Variants in CAPS2 observed in about 807,000 individuals in gnomAD.
CAPS2 encodes the protein calcyphosin-2.
Under a neutral mutation model 86.5 loss-of-function variants are expected in CAPS2, and 98 were observed. The observed-to-expected ratio is 1.13, with a 90% CI of 0.96 to 1.34. The LOEUF (loss-of-function observed/expected upper bound fraction) is 1.34, where lower values mean the gene tolerates loss of function less well. Among genes scored for constraint, CAPS2 ranks in the 40% most tolerant of loss-of-function variants. CAPS2 has a pLI of 0.00. For missense variants in CAPS2, 729 were observed against 686.8 expected (o/e 1.06, Z -0.69); for synonymous variants, 210 against 225.1 (o/e 0.93, Z 0.60).
rs183628594 is a variant in CAPS2 at position 75,377,284 on chromosome 12, T to C, written c.-395+13554A>G. ...AAACCACTCCTGGTACCAAAATCTG[T>C]ATTTGGCAGGGTTCCCTAAAGGGAC... On this transcript the variant is annotated intron_variant, in intron 1 of 5. Coordinates refer to the CAPS2 transcript ENST00000551829. 1.3e-3 allele frequency among the ~76,000 whole-genome samples: 200 copies of C among 152,298 alleles called. 1 individual carries two copies. The highest frequency in any genetic ancestry group is 2.3e-3 in the Non-Finnish European group (154 of 68,026).
rs549490874 is a variant in CAPS2, at chr12:75,369,769, A to G, written c.-395+21069T>C. 6.3e-5 allele frequency: 62 copies of G among 984,576 alleles called. No homozygotes were observed. The South Asian group carries it at 2.4e-3, about 38-fold the overall frequency. 61.0% of individuals were successfully genotyped at this position (984,576 alleles called of 1,614,324 possible). On this transcript the variant is annotated intron_variant, in intron 1 of 5. Transcript: ENST00000551829. ...TGTTTTAGAAATATTTGTTGACATA[A>G]CACTGTTGGTAGGAAGCATCGTAAA...
intron 8 of CAPS2, 139 bp from the exon 9 acceptor site, chr12:75,300,050 T>G (rs1403408433): frequency 6.9e-6 from 3 of 434,216 alleles, no homozygotes; most frequent in Non-Finnish European, 1.3e-5. Context: ...AAAACTCTTT[T>G]TTTCAGATTG....
At chr12:75,353,648 G>A (rs1450698119) in intron 1 of CAPS2, among the ~76,000 whole-genome samples, 1 of 152,140 alleles carries the variant, frequency 6.6e-6, no homozygotes, top group Non-Finnish European at 1.5e-5. Flanking sequence ...ATTTTATGAG[G>A]CCAGCATCAT....
chr12:75,296,583 C>T (rs1250955154), intron 11 of CAPS2, among the ~76,000 whole-genome samples: 1 of 152,202 alleles, frequency 6.6e-6, no homozygotes, highest in Non-Finnish European at 1.5e-5. Flanking sequence ...TGAGCCACCG[C>T]ACCCAGCGTG....
chr12:75,309,878 A>C (rs2038957473), intron 7 of CAPS2, among the ~76,000 whole-genome samples: 1 of 152,248 alleles, frequency 6.6e-6, no homozygotes, highest in African/African-American at 2.4e-5. Flanking sequence ...AAATATACAT[A>C]CACAGAATGT....
chr12:75,348,188 G>A (rs1175128303), intron 1 of CAPS2, among the ~76,000 whole-genome samples: 2 of 152,104 alleles, frequency 1.3e-5, no homozygotes, highest in East Asian at 1.9e-4. Flanking sequence ...AGCTTAAAGG[G>A]AAACTCCAAA....
chr12:75,285,939 C>T (rs1229604693), intron 14 of CAPS2, among the ~76,000 whole-genome samples: 2 of 151,708 alleles, frequency 1.3e-5, no homozygotes, highest in East Asian at 1.9e-4. Flanking sequence ...GGAATAAATC[C>T]CTTATGCCAG....
chr12:75,290,138 T>TTA (rs1440955891), intron 13 of CAPS2, among the ~76,000 whole-genome samples: 7 of 152,230 alleles, frequency 4.6e-5, no homozygotes, highest in African/African-American at 1.7e-4. Flanking sequence ...ATCTTTAATC[T>TTA]GTTTTCCTTT....
At chr12:75,350,893 A>G (rs2042765189) in intron 1 of CAPS2, among the ~76,000 whole-genome samples, 1 of 152,208 alleles carries the variant, frequency 6.6e-6, no homozygotes. Context: ...ATAATAATGA[A>G]CTTCACTGAG....
exon 17 of CAPS2, chr12:75,277,980 T>C: frequency 2.3e-6 from 2 of 886,904 alleles, no homozygotes; most frequent in South Asian, 1.0e-4. Context: ...TATCATACAT[T>C]CATTTTAGGA....
At chr12:75,372,556 G>A (rs544578872) in intron 1 of CAPS2, among the ~76,000 whole-genome samples, 1 of 152,272 alleles carries the variant, frequency 6.6e-6, no homozygotes, top group East Asian at 1.9e-4. Flanking sequence ...ATCACTAGGG[G>A]TGATGGTGAG....
At chr12:75,330,655 C>A (rs1340028773), upstream of CAPS2, among the ~76,000 whole-genome samples, 6 of 151,872 alleles carry the variant, frequency 4.0e-5, no homozygotes, top group Non-Finnish European at 4.4e-5. Flanking sequence ...TGACTATGTA[C>A]ATATAGATGA....
intron 1 of CAPS2, among the ~76,000 whole-genome samples, chr12:75,357,709 C>A (rs2043244099): frequency 6.6e-6 from 1 of 151,886 alleles, no homozygotes; most frequent in Non-Finnish European, 1.5e-5. Flanking sequence ...AAACCATTGT[C>A]CAATGTCCAA....
intron 1 of CAPS2, among the ~76,000 whole-genome samples, chr12:75,350,305 T>C (rs545054288): frequency 6.6e-6 from 1 of 152,332 alleles, no homozygotes; most frequent in African/African-American, 2.4e-5. Flanking sequence ...TATCCTTTTC[T>C]GATGGCAAGC....
chr12:75,282,400 G>T, intron 15 of CAPS2, 53 bp from the exon 16 acceptor site: 1 of 1,199,836 alleles, frequency 8.3e-7, no homozygotes, highest in Non-Finnish European at 1.2e-6. Flanking sequence ...GTTTTGCTTT[G>T]CTTTGAGACA....
chr12:75,321,621 T>C, intron 4 of CAPS2, 45 bp from the exon 5 acceptor site: 1 of 1,365,250 alleles, frequency 7.3e-7, no homozygotes. Flanking sequence ...AAAAAAAGTA[T>C]TAATTTTCCT....
At chr12:75,327,030 G>A (rs1196904819), upstream of CAPS2, among the ~76,000 whole-genome samples, 2 of 152,130 alleles carry the variant, frequency 1.3e-5, no homozygotes, top group Non-Finnish European at 2.9e-5. Context: ...TTCCTATGGC[G>A]CTTCCAGAAA....
chr12:75,331,545 T>A (rs891255200), upstream of CAPS2, among the ~76,000 whole-genome samples: 1 of 151,606 alleles, frequency 6.6e-6, no homozygotes, highest in Non-Finnish European at 1.5e-5. Flanking sequence ...CACATAAAAA[T>A]AAAACAGAAA....
At chr12:75,313,801 C>T (rs1036791636) in intron 6 of CAPS2, among the ~76,000 whole-genome samples, 10 of 151,898 alleles carry the variant, frequency 6.6e-5, no homozygotes, top group Non-Finnish European at 1.5e-4. Flanking sequence ...AAAATTGAGA[C>T]AAAATATCAA....
Sources: allele counts gnomAD v4.1 joint callset (sites outside exome capture counted in the v4.1 genomes callset), GRCh38; gene constraint gnomAD v4.1.1; transcripts MANE v1.5; gene names NCBI Gene and HGNC (gene_info 2026-07-23, HGNC 2026-07-21).